Variants in POU3F3 observed in about 807,000 individuals in gnomAD.
POU3F3 encodes the protein POU domain, class 3, transcription factor 3.
A neutral mutation model predicts 8.6 loss-of-function variants in POU3F3; 1 was observed. The observed-to-expected ratio is 0.12, with a 90% CI of 0.04 to 0.55. The LOEUF is 0.55. POU3F3 is among the 20% of genes least tolerant of loss of function. The pLI is 0.91. For synonymous variants in POU3F3, 418 were observed against 327.4 expected, an observed-to-expected ratio of 1.28 and a Z score of -2.99; for missense variants, 577 against 690.7, an observed-to-expected ratio of 0.84 and a Z score of 1.84.
Position 104,856,317 on chromosome 2 carries a change from GCAC to G in POU3F3, c.829_831del (p.His277del), listed in dbSNP as rs762283249. 965 of 1,460,308 alleles carry G rather than the reference GCAC, an allele frequency of 6.6e-4. No homozygotes were observed. The highest frequency in any genetic ancestry group is 3.5e-3 in the Admixed American group (157 of 45,424). The allele number at this position is 1,460,308 out of a possible 1,614,324, so 90.5% of individuals were successfully genotyped here. ...GCGGGGACACGCCAGAGCTGGCCGAGCACCACCACCACCACCACCACCACGCGC... is the reference window on the plus strand; with the variant it reads ...GCGGGGACACGCCAGAGCTGGCCGAGCACCACCACCACCACCACCACGCGC... On this transcript the variant is annotated inframe_deletion, in exon 1 of 1. Transcript: ENST00000361360.
chr2:104,886,960 A>C, the POU3F3 span, among the ~76,000 whole-genome samples: 1 of 152,046 alleles, frequency 6.6e-6, no homozygotes, highest in Non-Finnish European at 1.5e-5. Flanking sequence ...AAGCAAAGGA[A>C]AAAAAAGGCT....
the POU3F3 span, among the ~76,000 whole-genome samples, chr2:104,921,268 G>T: frequency 6.6e-5 from 10 of 152,246 alleles, no homozygotes; most frequent in African/African-American, 2.4e-4. Context: ...CATGAAGGGG[G>T]TGCTGTCAAA....
chr2:104,915,441 CTCTGGCAAAAT>C, the POU3F3 span, among the ~76,000 whole-genome samples: 1 of 149,474 alleles, frequency 6.7e-6, no homozygotes, highest in Non-Finnish European at 1.5e-5. Context: ...TAGAGCAAGT[CTCTGGCAAAAT>C]TATGCCACAC....
chr2:104,867,963 T>G, the POU3F3 span: 5 of 265,626 alleles, frequency 1.9e-5, no homozygotes, highest in Admixed American at 1.4e-4. The surrounding 1 kb of genome is among the most constrained non-coding windows in gnomAD (Gnocchi z 5.0). Flanking sequence ...GCCCCTCTAC[T>G]CGGCGCCCCC....
the POU3F3 span, among the ~76,000 whole-genome samples, chr2:104,864,972 G>A: frequency 6.6e-6 from 1 of 152,190 alleles, no homozygotes; most frequent in African/African-American, 2.4e-5. Flanking sequence ...GAACAAAATT[G>A]CATTTTAAAT....
the POU3F3 span, among the ~76,000 whole-genome samples, chr2:104,913,673 C>T: frequency 1.8e-4 from 28 of 152,288 alleles, no homozygotes; most frequent in African/African-American, 5.3e-4. Context: ...ACAAGAGCTA[C>T]GATCTTCAGC....
At chr2:104,895,389 C>A in the POU3F3 span, among the ~76,000 whole-genome samples, 1 of 152,140 alleles carries the variant, frequency 6.6e-6, no homozygotes, top group Admixed American at 6.5e-5. Context: ...TGCTTTCTAC[C>A]TTATGGTTGT....
At chr2:104,882,316 G>T in the POU3F3 span, among the ~76,000 whole-genome samples, 1 of 147,258 alleles carries the variant, frequency 6.8e-6, no homozygotes, top group African/African-American at 2.5e-5. Context: ...GTGTGATCTC[G>T]GCTCACTGCA....
chr2:104,885,407 G>A, the POU3F3 span, among the ~76,000 whole-genome samples: 1 of 152,194 alleles, frequency 6.6e-6, no homozygotes, highest in Admixed American at 6.5e-5. Context: ...CGATGAAATA[G>A]GAGATCAGCA....
At chr2:104,894,231 T>C in the POU3F3 span, among the ~76,000 whole-genome samples, 1 of 152,254 alleles carries the variant, frequency 6.6e-6, no homozygotes, top group East Asian at 1.9e-4. Flanking sequence ...TTAGGCATTA[T>C]CACTATTAAA....
the POU3F3 span, among the ~76,000 whole-genome samples, chr2:104,880,067 T>C: frequency 6.6e-6 from 1 of 152,242 alleles, no homozygotes; most frequent in Non-Finnish European, 1.5e-5. Flanking sequence ...AAGCAGTTTC[T>C]TCTGATATTT....
chr2:104,860,041 G>C (rs1573323237), downstream of POU3F3, among the ~76,000 whole-genome samples: 1 of 152,130 alleles, frequency 6.6e-6, no homozygotes, highest in South Asian at 2.1e-4. Context: ...TGGGAATGGT[G>C]GTGGTTGATT....
the POU3F3 span, among the ~76,000 whole-genome samples, chr2:104,898,126 C>T: frequency 6.6e-6 from 1 of 152,094 alleles, no homozygotes; most frequent in Non-Finnish European, 1.5e-5. Flanking sequence ...GATTAGTGCC[C>T]GCTTAAGAAG....
the POU3F3 span, among the ~76,000 whole-genome samples, chr2:104,905,310 C>T: frequency 6.6e-6 from 1 of 152,068 alleles, no homozygotes; most frequent in African/African-American, 2.4e-5. Flanking sequence ...GTATTTAGTA[C>T]ATAGACTATT....
At chr2:104,881,533 T>C in the POU3F3 span, among the ~76,000 whole-genome samples, 771 of 152,144 alleles carry the variant, frequency 5.1e-3, 11 homozygotes, top group African/African-American at 0.017. Context: ...TCCTCTCTCT[T>C]TCTCTTGCTG....
At chr2:104,868,188 C>T in the POU3F3 span, 1 of 454,264 alleles carries the variant, frequency 2.2e-6, no homozygotes, top group Admixed American at 2.4e-5. Flanking sequence ...GGCGCAGCTC[C>T]TACAGGCGTC....
At chr2:104,920,153 T>C in the POU3F3 span, among the ~76,000 whole-genome samples, 1 of 152,198 alleles carries the variant, frequency 6.6e-6, no homozygotes, top group African/African-American at 2.4e-5. Flanking sequence ...CACCTGGAAT[T>C]ACAGGCGCAT....
At chr2:104,896,640 G>GC in the POU3F3 span, among the ~76,000 whole-genome samples, 152,379 of 152,380 alleles carry the variant, frequency 1, 76,189 homozygotes, top group Middle Eastern at 1. Context: ...GTGGCTGAGA[G>GC]CTGGCTTGCA....
chr2:104,888,217 G>A, the POU3F3 span, among the ~76,000 whole-genome samples: 1 of 152,216 alleles, frequency 6.6e-6, no homozygotes, highest in South Asian at 2.1e-4. Flanking sequence ...ATTTTTACAG[G>A]TTCTTGTGGG....
Sources: gnomAD v4.1 joint callset for allele counts (sites outside exome capture counted in the v4.1 genomes callset) on GRCh38, gnomAD v4.1.1 for gene constraint, Gnocchi (gnomAD v3.1) non-coding constraint, MANE v1.5 for transcripts, NCBI Gene and HGNC (gene_info 2026-07-23, HGNC 2026-07-21) for gene names.